Variants in PDZRN4 observed in about 807,000 individuals in gnomAD.
The protein encoded by PDZRN4 is PDZ domain-containing RING finger protein 4.
In PDZRN4, 70 loss-of-function variants were observed where a neutral mutation model predicts 99.0. The observed-to-expected ratio is 0.71, with a 90% CI of 0.58 to 0.86. PDZRN4 has a LOEUF of 0.86. Among genes scored for constraint, PDZRN4 ranks in the 40% least tolerant of loss-of-function variants. The pLI, the probability that PDZRN4 is intolerant of heterozygous loss-of-function variation, is 0.00. For missense variants in PDZRN4, 1,474 were observed against 1,331.2 expected (o/e 1.11, Z -1.67); for synonymous variants, 551 against 501.6 (o/e 1.10, Z -1.32).
intron 3 of PDZRN4, among the ~76,000 whole-genome samples, chr12:41,290,088 G>T (rs1049971527): frequency 6.6e-6 from 1 of 152,162 alleles, no homozygotes; most frequent in East Asian, 1.9e-4. Flanking sequence ...TTAGGTTCAT[G>T]TGTAGTTGGA....
At chr12:41,382,198 G>A (rs1295779451) in intron 3 of PDZRN4, among the ~76,000 whole-genome samples, 1 of 152,176 alleles carries the variant, frequency 6.6e-6, no homozygotes, top group Non-Finnish European at 1.5e-5. Context: ...GCCCCAGGAT[G>A]TGCTCCCCAG....
chr12:41,406,369 A>G lies in PDZRN4; in HGVS notation c.844-100087A>G, dbSNP rs533863461. Among the ~76,000 whole-genome samples, 3 of 152,318 alleles carry G rather than the reference A, an allele frequency of 2.0e-5. No homozygotes were observed. In the East Asian group the frequency reaches 5.8e-4, roughly 29 times the overall value. On this transcript the variant is annotated intron_variant, in intron 3 of 9. Transcript: ENST00000402685. ...AAACAAAAAAATGTATAAAAGAAAA[A>G]ATCAACGCCTACTGTTGTCAGGAGG...
At chr12:41,302,989 TCAGA>T in intron 3 of PDZRN4, among the ~76,000 whole-genome samples, 1 of 150,726 alleles carries the variant, frequency 6.6e-6, no homozygotes, top group South Asian at 2.1e-4. Flanking sequence ...CATACACTAC[TCAGA>T]CACTCTTGTG....
intron 5 of PDZRN4, among the ~76,000 whole-genome samples, chr12:41,540,078 A>G (rs548847328): frequency 3.0e-4 from 46 of 152,356 alleles, no homozygotes; most frequent in Admixed American, 1.2e-3. Flanking sequence ...GTGCTATTAA[A>G]TGAGTTTTTT....
chr12:41,333,215 A>G (rs1236102256), intron 3 of PDZRN4, among the ~76,000 whole-genome samples: 6 of 152,116 alleles, frequency 3.9e-5, no homozygotes, highest in Admixed American at 3.9e-4. Flanking sequence ...GCAATGAGCT[A>G]AGGTTCTGAG....
intron 3 of PDZRN4, among the ~76,000 whole-genome samples, chr12:41,331,327 A>G (rs1468568156): frequency 6.6e-6 from 1 of 152,120 alleles, no homozygotes; most frequent in African/African-American, 2.4e-5. Flanking sequence ...CCATTTACAG[A>G]TGAGCGTGCT....
intron 3 of PDZRN4, among the ~76,000 whole-genome samples, chr12:41,301,454 C>A (rs937568580): frequency 6.6e-6 from 1 of 151,874 alleles, no homozygotes; most frequent in Non-Finnish European, 1.5e-5. Context: ...ATTTCATGAT[C>A]TTTACATAAG....
intron 3 of PDZRN4, among the ~76,000 whole-genome samples, chr12:41,246,744 C>A (rs565733193): frequency 5.3e-4 from 81 of 152,266 alleles, no homozygotes; most frequent in African/African-American, 1.8e-3. Context: ...AATATGAGTT[C>A]AACTCTGTTA....
At chr12:41,395,048 T>A (rs1287609142) in intron 3 of PDZRN4, among the ~76,000 whole-genome samples, 1 of 152,158 alleles carries the variant, frequency 6.6e-6, no homozygotes, top group Non-Finnish European at 1.5e-5. Context: ...ACAAATTATT[T>A]ATATTGCTCC....
chr12:41,537,087 A>T (rs745825772), intron 5 of PDZRN4, among the ~76,000 whole-genome samples: 32 of 152,130 alleles, frequency 2.1e-4, no homozygotes, highest in Admixed American at 1.6e-3. Flanking sequence ...ACATGTCCTG[A>T]TGTAACTGAA....
intron 3 of PDZRN4, among the ~76,000 whole-genome samples, chr12:41,371,800 C>A (rs927139528): frequency 6.6e-6 from 1 of 151,934 alleles, no homozygotes; most frequent in African/African-American, 2.4e-5. Flanking sequence ...TTGATGTAGC[C>A]CACCATATTT....
intron 3 of PDZRN4, among the ~76,000 whole-genome samples, chr12:41,406,359 T>C (rs1952350148): frequency 6.6e-6 from 1 of 152,024 alleles, no homozygotes; most frequent in Non-Finnish European, 1.5e-5. Flanking sequence ...AAAAAATGTA[T>C]AAAAGAAAAA....
chr12:41,287,645 TAGG>T (rs1951430164), intron 3 of PDZRN4, among the ~76,000 whole-genome samples: 1 of 152,180 alleles, frequency 6.6e-6, no homozygotes, highest in African/African-American at 2.4e-5. Flanking sequence ...TTTTTAGAGT[TAGG>T]CACTTCACCA....
At position 41,232,156 on chromosome 12, in the gene PDZRN4, C is replaced by T. The variant is rs114551598; in HGVS notation, c.843+37968C>T. Among the ~76,000 whole-genome samples, 1,455 of 151,964 alleles carry T rather than the reference C, an allele frequency of 9.6e-3. 21 individuals are homozygous for T. Among genetic ancestry groups the T allele is most frequent in the African/African-American group, 0.029 (1,213 of 41,492 alleles). On this transcript the variant is annotated intron_variant, in intron 3 of 9. Transcript: ENST00000402685. Reference sequence around the variant, plus strand: ...AACCACTGAGATTATAAATCAATTACGGAACTGCATGCTAAAAAAGTAAGA... The same window carrying T: ...AACCACTGAGATTATAAATCAATTATGGAACTGCATGCTAAAAAAGTAAGA...
chr12:41,258,688 C>A (rs975250253), intron 3 of PDZRN4, among the ~76,000 whole-genome samples: 1 of 152,078 alleles, frequency 6.6e-6, no homozygotes, highest in Non-Finnish European at 1.5e-5. Flanking sequence ...GTACACTATT[C>A]TAGTGCTAGG....
chr12:41,267,096 T>C (rs1475214724), intron 3 of PDZRN4, among the ~76,000 whole-genome samples: 2 of 152,200 alleles, frequency 1.3e-5, no homozygotes, highest in Admixed American at 1.3e-4. Context: ...TAAAAATAAC[T>C]GTAGTGTTGG....
Position 41,572,971 on chromosome 12 carries a change from C to T in PDZRN4, c.2192C>T (p.Ser731Phe), listed in dbSNP as rs1323436947. 7.4e-6 allele frequency: 12 copies of T among 1,614,030 alleles called. No individual in the cohort carries two copies. Among genetic ancestry groups the T allele is most frequent in the African/African-American group, 1.3e-5 (1 of 74,924 alleles). Residue 731 changes from serine (S) to phenylalanine (F), a missense_variant, in exon 10 of 10, where the codon TCT becomes TTT. Ser to Phe is a radical substitution (Grantham distance 155). Transcript: ENST00000402685. ...GACATCATGGAGCATCCAGAAAAGT[C>T]TGACAAGGACAGTTCTAGTGCTTAC... ...LDDIMEHPEK[S>F]DKDSSSAYNT...
chr12:41,503,768 C>T lies in PDZRN4; in HGVS notation c.844-2688C>T, dbSNP rs145724828. Among the ~76,000 whole-genome samples, 3 of 152,276 alleles carry T rather than the reference C, an allele frequency of 2.0e-5. No individual in the cohort carries two copies. In the East Asian group the frequency reaches 5.8e-4, roughly 29 times the overall value. On this transcript the variant is annotated intron_variant, in intron 3 of 9. Coordinates refer to ENST00000402685, the MANE Select transcript of PDZRN4 (RefSeq NM_001164595.2). ...TAGGTGAATGGCATTTATCTGTCTA[C>T]TACCTATTGAAACACTTTGTGCATT...
At chr12:41,304,540 G>A (rs11180727) in intron 3 of PDZRN4, among the ~76,000 whole-genome samples, 72,370 of 151,982 alleles carry the variant, frequency 0.48, 19,294 homozygotes, top group Middle Eastern at 0.67. Context: ...GCCTTTTGGA[G>A]GGCCACAAAT....
Sources: gnomAD v4.1 joint callset for allele counts (sites outside exome capture counted in the v4.1 genomes callset) on GRCh38, gnomAD v4.1.1 for gene constraint, MANE v1.5 for transcripts, NCBI Gene and HGNC (gene_info 2026-07-23, HGNC 2026-07-21) for gene names.